The following RPAP3 variants were observed in gnomAD, a reference collection of about 807,000 sequenced individuals.
The protein encoded by RPAP3 is RNA polymerase II associated protein 3.
A neutral mutation model predicts 88.8 loss-of-function variants in RPAP3; 58 were observed. The ratio of observed to expected loss-of-function variants is 0.65; its 90% CI spans 0.53 to 0.81. The LOEUF is 0.81. Ranked by LOEUF, RPAP3 falls within the 40% of genes least tolerant of loss-of-function variation. The probability of loss-of-function intolerance (pLI) is 0.00; values close to 1 mark genes in which losing one functional copy is unlikely to be tolerated. For missense variants in RPAP3, 751 were observed against 764.3 expected, an observed-to-expected ratio of 0.98 and a Z score of 0.20; for synonymous variants, 255 against 259.9, an observed-to-expected ratio of 0.98 and a Z score of 0.18.
At chr12:47,670,465 T>C in intron 12 of RPAP3, 120 bp from the exon 13 acceptor site, 1 of 628,464 alleles carries the variant, frequency 1.6e-6, no homozygotes, top group Non-Finnish European at 2.7e-6. Flanking sequence ...TAAATTCAAT[T>C]TGGTGGCTAG....
At position 47,667,845 on chromosome 12, in the gene RPAP3, C is replaced by A; in HGVS notation, c.1720G>T (p.Glu574Ter). The A allele has an allele frequency of 1.3e-6, 2 of 1,576,072 alleles. No homozygotes were observed. The highest frequency in any genetic ancestry group is 1.4e-5 in the African/African-American group (1 of 73,652). The change falls in exon 15 of 17, where the codon GAA becomes TAA. Residue 574 changes from glutamate to a stop codon, truncating the protein, a stop_gained. Transcript: ENST00000005386. LOFTEE classifies it high-confidence loss of function. ...AACAACTTAGGATACAAAGATGGTT[C>A]AATTTGCTTGAAAAAAAAATAAAAA... ...DMLYQYLKQI[E>*]PSLYPKLFQK...
intron 2 of RPAP3, among the ~76,000 whole-genome samples, chr12:47,702,381 A>G (rs1422869208): frequency 2.0e-5 from 3 of 151,606 alleles, no homozygotes; most frequent in African/African-American, 7.3e-5. Context: ...CCCCGTCTCT[A>G]CTAAAAAAAA....
chr12:47,672,704 G>A (rs1192330448), intron 12 of RPAP3, among the ~76,000 whole-genome samples: 1 of 151,914 alleles, frequency 6.6e-6, no homozygotes, highest in African/African-American at 2.4e-5. Flanking sequence ...TACTAACTTT[G>A]TTGATTTTGG....
At chr12:47,684,804 T>C (rs1002172043) in intron 9 of RPAP3, among the ~76,000 whole-genome samples, 28 of 152,258 alleles carry the variant, frequency 1.8e-4, no homozygotes, top group African/African-American at 4.6e-4. Context: ...ATAGCAAAAA[T>C]CAAAATTTTC....
chr12:47,696,507 T>C (rs954626938), intron 4 of RPAP3, 104 bp from the exon 5 acceptor site: 10 of 701,368 alleles, frequency 1.4e-5, no homozygotes, highest in African/African-American at 1.1e-4. Flanking sequence ...CACTTAAATG[T>C]AGATTTTTTT....
At chr12:47,686,952 A>G (rs1349919996) in intron 8 of RPAP3, 45 bp from the exon 9 acceptor site, 1 of 1,231,740 alleles carries the variant, frequency 8.1e-7, no homozygotes, top group Non-Finnish European at 1.1e-6. Flanking sequence ...AAAAATTTCA[A>G]AAAAAATAAA....
At chr12:47,691,086 G>T (rs969344964) in intron 5 of RPAP3, among the ~76,000 whole-genome samples, 10 of 152,106 alleles carry the variant, frequency 6.6e-5, no homozygotes, top group African/African-American at 2.4e-4. Context: ...GCTGCTGACC[G>T]ATCACGGTGG....
intron 6 of RPAP3, among the ~76,000 whole-genome samples, chr12:47,690,011 C>T (rs531299571): frequency 6.9e-6 from 1 of 145,204 alleles, no homozygotes; most frequent in African/African-American, 2.6e-5. Flanking sequence ...CATTGCACTC[C>T]AGCCTGGGTG....
chr12:47,692,039 G>A (rs1939439844), intron 5 of RPAP3, among the ~76,000 whole-genome samples: 1 of 152,170 alleles, frequency 6.6e-6, no homozygotes, highest in East Asian at 1.9e-4. Flanking sequence ...GGTCTCAACA[G>A]TTGGCTTAAA....
chr12:47,693,898 A>G (rs971746886), intron 5 of RPAP3, among the ~76,000 whole-genome samples: 4 of 152,252 alleles, frequency 2.6e-5, no homozygotes, highest in Non-Finnish European at 5.9e-5. Context: ...CCAAACACAG[A>G]TGCAAAAAAT....
chr12:47,687,019 G>A, intron 8 of RPAP3, 112 bp from the exon 9 acceptor site: 1 of 650,300 alleles, frequency 1.5e-6, no homozygotes, highest in African/African-American at 1.9e-5. Flanking sequence ...TTTCAAGAAA[G>A]AATATTGTTA....
intron 9 of RPAP3, among the ~76,000 whole-genome samples, chr12:47,685,198 G>C (rs1455171889): frequency 6.6e-6 from 1 of 152,080 alleles, no homozygotes; most frequent in East Asian, 1.9e-4. Flanking sequence ...GGCCAACATG[G>C]CAAAACCCCA....
intron 10 of RPAP3, among the ~76,000 whole-genome samples, chr12:47,681,282 C>G (rs1012961389): frequency 4.6e-5 from 7 of 152,144 alleles, no homozygotes; most frequent in Non-Finnish European, 8.8e-5. Context: ...CTTTAGGAGT[C>G]AACTTTCAAT....
chr12:47,672,536 C>A (rs1939020818), intron 12 of RPAP3, among the ~76,000 whole-genome samples: 1 of 152,176 alleles, frequency 6.6e-6, no homozygotes, highest in Non-Finnish European at 1.5e-5. Flanking sequence ...CTAACTTGCT[C>A]AAGATTGCAA....
In RPAP3 at chr12:47,663,323, C is replaced by T. The variant is rs1053961102; in HGVS notation, c.*182G>A. On this transcript the variant is annotated 3_prime_UTR_variant, in exon 17 of 17. Coordinates refer to ENST00000005386, the MANE Select transcript of RPAP3 (RefSeq NM_024604.3). ...GTTTATATTTTTATTTTCAGAAAAACAGAGTTCACTTGAATACAATTCTCA... is the reference window on the plus strand; with the variant it reads ...GTTTATATTTTTATTTTCAGAAAAATAGAGTTCACTTGAATACAATTCTCA... 1 of 448,320 alleles carries T rather than the reference C, an allele frequency of 2.2e-6. No homozygotes were observed. Among genetic ancestry groups the T allele is most frequent in the African/African-American group, 2.0e-5 (1 of 48,808 alleles). 27.8% of individuals were successfully genotyped at this position (448,320 alleles called of 1,614,324 possible).
intron 10 of RPAP3, 63 bp from the exon 11 acceptor site, chr12:47,679,837 G>A (rs1271633775): frequency 1.8e-6 from 2 of 1,125,406 alleles, no homozygotes; most frequent in Non-Finnish European, 2.6e-6. Flanking sequence ...ATATTCGCAT[G>A]TATATTCATG....
At chr12:47,691,055 G>C (rs1192092975) in intron 5 of RPAP3, among the ~76,000 whole-genome samples, 2 of 152,112 alleles carry the variant, frequency 1.3e-5, no homozygotes, top group African/African-American at 2.4e-5. Context: ...GCTGTTGGAC[G>C]ATCTTGCCTT....
chr12:47,690,728 A>G (rs1485321788), intron 5 of RPAP3, 89 bp from the exon 6 acceptor site: 40 of 997,478 alleles, frequency 4.0e-5, no homozygotes, highest in Non-Finnish European at 2.6e-5. Flanking sequence ...AATCCTTGAA[A>G]AGAGAATTTA....
intron 3 of RPAP3, among the ~76,000 whole-genome samples, chr12:47,698,135 C>T (rs1011978843): frequency 6.6e-6 from 1 of 152,064 alleles, no homozygotes; most frequent in Non-Finnish European, 1.5e-5. Flanking sequence ...TTTAAAACTG[C>T]TATTTTAAAA....
Sources: gnomAD v4.1 joint callset for allele counts (sites outside exome capture counted in the v4.1 genomes callset) on GRCh38, gnomAD v4.1.1 for gene constraint, MANE v1.5 for transcripts, NCBI Gene and HGNC (gene_info 2026-07-23, HGNC 2026-07-21) for gene names.